Variants in RGS13 observed in about 807,000 individuals in gnomAD.
RGS13 encodes regulator of G-protein signalling 13.
RGS13 carries 14 observed loss-of-function variants against 19.9 expected under a neutral mutation model. The ratio of observed to expected loss-of-function variants is 0.70; its 90% CI spans 0.46 to 1.10. RGS13 has a LOEUF of 1.10. Among genes scored for constraint, RGS13 ranks in the 50% least tolerant of loss-of-function variants. The pLI is 0.00. For missense variants in RGS13, 205 were observed against 187.1 expected (o/e 1.10, Z -0.56); for synonymous variants, 60 against 56.8 (o/e 1.06, Z -0.25).
At chr1:192,654,267 T>C (rs1663397581) in intron 5 of RGS13, among the ~76,000 whole-genome samples, 1 of 151,786 alleles carries the variant, frequency 6.6e-6, no homozygotes, top group Non-Finnish European at 1.5e-5. Flanking sequence ...TTATGGAATA[T>C]TTTCCTCTGA....
intron 5 of RGS13, among the ~76,000 whole-genome samples, chr1:192,650,141 T>C (rs568351568): frequency 6.6e-6 from 1 of 152,230 alleles, no homozygotes; most frequent in South Asian, 2.1e-4. Flanking sequence ...ATAGGCTTAA[T>C]TATTTGGCAA....
chr1:192,645,108 T>G (rs1663192420), intron 4 of RGS13: 1 of 152,394 alleles, frequency 6.6e-6, no homozygotes, highest in Non-Finnish European at 1.5e-5. Flanking sequence ...AGAAGGATGC[T>G]GCAATGGTGG....
intron 5 of RGS13, among the ~76,000 whole-genome samples, chr1:192,654,527 CACAT>C (rs1339673782): frequency 6.6e-6 from 1 of 152,026 alleles, no homozygotes; most frequent in Non-Finnish European, 1.5e-5. Context: ...TAAAACTCCA[CACAT>C]ACTATGGTAG....
chr1:192,645,496 G>T (rs1211469647), intron 4 of RGS13: 2 of 152,086 alleles, frequency 1.3e-5, no homozygotes, highest in African/African-American at 4.8e-5. Flanking sequence ...TAAGACCAAG[G>T]ACAATTAAGT....
At chr1:192,657,071 T>C (rs1223516841) in intron 5 of RGS13, among the ~76,000 whole-genome samples, 1 of 152,126 alleles carries the variant, frequency 6.6e-6, no homozygotes, top group African/African-American at 2.4e-5. Flanking sequence ...TTTATGGCAT[T>C]GATTGTGGTG....
At chr1:192,638,507 G>T (rs1433847951) in intron 3 of RGS13, among the ~76,000 whole-genome samples, 1 of 152,010 alleles carries the variant, frequency 6.6e-6, no homozygotes, top group Admixed American at 6.6e-5. Context: ...ACAAAATAGT[G>T]GTACATGGTA....
At chr1:192,651,503 G>A (rs1036033987) in intron 5 of RGS13, among the ~76,000 whole-genome samples, 37 of 152,096 alleles carry the variant, frequency 2.4e-4, no homozygotes, top group Admixed American at 2.3e-3. Flanking sequence ...CAATATATTT[G>A]TAGGATGATG....
At chr1:192,643,407 T>A (rs1663159566) in intron 3 of RGS13, among the ~76,000 whole-genome samples, 1 of 152,078 alleles carries the variant, frequency 6.6e-6, no homozygotes, top group Admixed American at 6.6e-5. Context: ...AATTTGTTAG[T>A]TGTTTTTTTA....
Position 192,659,636 on chromosome 1 carries a change from C to A in RGS13, c.*113C>A. 1.3e-6 allele frequency: 1 copy of A among 744,116 alleles called. No individual in the cohort carries two copies. The highest frequency in any genetic ancestry group is 2.2e-6 in the Non-Finnish European group (1 of 460,548). The allele number at this position is 744,116 out of a possible 1,614,324, so 46.1% of individuals were successfully genotyped here. On this transcript the variant is annotated 3_prime_UTR_variant, in exon 7 of 7. Transcript: ENST00000391995. ...CAGTACAAATAAAACAGAAATCAAA[C>A]TATAAGTTGACTTTTAGTTCCTAAA...
chr1:192,645,990 A>T (rs1310107886), intron 4 of RGS13: 1 of 152,174 alleles, frequency 6.6e-6, no homozygotes, highest in East Asian at 1.9e-4. Flanking sequence ...ACGGACAGGC[A>T]TTCAATAAAC....
rs1046455066 is a variant in RGS13 at position 192,644,222 on chromosome 1, C to T, written c.-4-109C>T. 29 of 725,036 alleles carry T rather than the reference C, an allele frequency of 4.0e-5. No individual in the cohort carries two copies. The African/African-American group carries it at 4.6e-4, about 11-fold the overall frequency. The allele number at this position is 725,036 out of a possible 1,614,324, so 44.9% of individuals were successfully genotyped here. A position where few individuals can be genotyped will look rare whatever the true frequency, so the allele number is the denominator to read the frequency against. ...ACTGTATTCCATTAACTTCAAGAGC[C>T]CATCTTTTTTTTTATGATTTATAAT... On this transcript the variant is annotated intron_variant, in intron 3 of 6. Coordinates refer to ENST00000391995, the MANE Select transcript of RGS13 (RefSeq NM_002927.5).
intron 5 of RGS13, among the ~76,000 whole-genome samples, chr1:192,651,628 A>G (rs1221222253): frequency 1.3e-5 from 2 of 152,048 alleles, no homozygotes; most frequent in Admixed American, 1.3e-4. Context: ...AGTAGGAGGG[A>G]ACCAGAAAAA....
Position 192,640,504 on chromosome 1 carries a change from A to T in RGS13, c.-5+2301A>T, listed in dbSNP as rs192633134. ...TTCAGTCTGGTATTTAAGGTCATCTAGAACCTAACTATGCACACAAACATA... is the reference window on the plus strand; with the variant it reads ...TTCAGTCTGGTATTTAAGGTCATCTTGAACCTAACTATGCACACAAACATA... On this transcript the variant is annotated intron_variant, in intron 3 of 6. Coordinates refer to ENST00000391995, the MANE Select transcript of RGS13 (RefSeq NM_002927.5). Among the ~76,000 whole-genome samples the T allele has an allele frequency of 1.8e-4, 28 of 152,312 alleles. No individual in the cohort carries two copies. The East Asian group carries it at 5.4e-3, about 29-fold the overall frequency.
chr1:192,656,489 C>G (rs1663442673), intron 5 of RGS13, among the ~76,000 whole-genome samples: 2 of 152,046 alleles, frequency 1.3e-5, no homozygotes, highest in South Asian at 4.1e-4. Context: ...CAAGACACAA[C>G]TTAGAGTCAC....
chr1:192,653,931 A>C (rs1014319320), intron 5 of RGS13, among the ~76,000 whole-genome samples: 4 of 151,826 alleles, frequency 2.6e-5, no homozygotes, highest in African/African-American at 9.7e-5. Flanking sequence ...GAAGGGGAAC[A>C]TCACACACTG....
In RGS13 at chr1:192,658,280, C is replaced by A. The variant is rs765337505; in HGVS notation, c.207C>A (p.Thr69=). The part of the protein sequence containing the change: ...ENIQFWMACE[T]YKKIASRWSR... ...TTCAATTCTGGATGGCATGTGAAAC[C>A]TATAAGAAAATTGCCTCACGGTGGA... Residue 69 remains threonine, a synonymous_variant, in exon 6 of 7, where the codon ACC becomes ACA. Transcript: ENST00000391995. The A allele has an allele frequency of 1.9e-6, 3 of 1,613,320 alleles. No homozygotes were observed. In the South Asian group the frequency reaches 3.3e-5, roughly 18 times the overall value.
chr1:192,656,561 G>C, intron 5 of RGS13, among the ~76,000 whole-genome samples: 1 of 151,858 alleles, frequency 6.6e-6, no homozygotes, highest in East Asian at 1.9e-4. Flanking sequence ...CCTCACATTG[G>C]ATAGGAATAT....
intron 4 of RGS13, chr1:192,646,305 G>C (rs1249984158): frequency 6.6e-6 from 1 of 152,110 alleles, no homozygotes; most frequent in Non-Finnish European, 1.5e-5. Context: ...ATTGTGTTAA[G>C]AACCTGCTAA....
Position 192,659,399 on chromosome 1 carries a change from C to T in RGS13, c.356C>T (p.Thr119Ile), listed in dbSNP as rs879894418. Residue 119 changes from threonine to isoleucine, a missense_variant, in exon 7 of 7, where the codon ACA (threonine) becomes ATA (isoleucine). Coordinates refer to ENST00000391995, the MANE Select transcript of RGS13 (RefSeq NM_002927.5). ...IIRNIQEPTETCFEEAQKIVY... is the reference protein window; with the variant it reads ...IIRNIQEPTEICFEEAQKIVY... Reference sequence around the variant, plus strand: ...AGGAACATTCAGGAACCCACTGAAACATGTTTTGAAGAAGCTCAGAAAATA... The same window carrying T: ...AGGAACATTCAGGAACCCACTGAAATATGTTTTGAAGAAGCTCAGAAAATA... The T allele has an allele frequency of 9.3e-6, 15 of 1,612,758 alleles. No individual in the cohort carries two copies. The highest frequency in any genetic ancestry group is 1.3e-5 in the Non-Finnish European group (15 of 1,179,152).
Sources: gnomAD v4.1 joint callset for allele counts (sites outside exome capture counted in the v4.1 genomes callset) on GRCh38, gnomAD v4.1.1 for gene constraint, MANE v1.5 for transcripts, NCBI Gene and HGNC (gene_info 2026-07-23, HGNC 2026-07-21) for gene names.